Variants in COL19A1 observed in about 807,000 individuals in gnomAD.
COL19A1 encodes the protein collagen alpha-1(XIX) chain.
In COL19A1, 159 loss-of-function variants were observed where a neutral mutation model predicts 190.2. The observed-to-expected ratio is 0.84, with a 90% CI of 0.73 to 0.95. COL19A1 has a LOEUF of 0.95. Among genes scored for constraint, COL19A1 ranks in the 40% least tolerant of loss-of-function variants. The pLI is 0.00. For synonymous variants in COL19A1, 509 were observed against 458.9 expected (o/e 1.11, Z -1.39); for missense variants, 1,418 against 1,431.9 (o/e 0.99, Z 0.16).
Position 69,929,554 on chromosome 6 carries a change from C to T in COL19A1, c.520C>T (p.Leu174Phe), listed in dbSNP as rs778498718. The T allele has an allele frequency of 6.2e-7, 1 of 1,613,872 alleles. No individual in the cohort carries two copies. Among genetic ancestry groups the T allele is most frequent in the African/African-American group, 1.3e-5 (1 of 74,880 alleles). Residue 174 changes from leucine to phenylalanine, a missense_variant, in exon 6 of 51, where the codon CTT becomes TTT. Physicochemically the swap from Leu to Phe is conservative, Grantham distance 22 (BLOSUM62 0). Coordinates refer to ENST00000620364, the MANE Select transcript of COL19A1 (RefSeq NM_001858.6). ...TTTGTTTGATCGTCAGTGGCACAAA[C>T]TTGGCATTAGTATACAATCCCAGGT... is the stretch of plus-strand genomic sequence containing the variant. ...RPLFDRQWHK[L>F]GISIQSQVIS...
chr6:70,095,157 C>T (rs1382279265), intron 15 of COL19A1, among the ~76,000 whole-genome samples: 1 of 151,886 alleles, frequency 6.6e-6, no homozygotes, highest in East Asian at 1.9e-4. Flanking sequence ...ATTTGATCAA[C>T]ATTATGTTTA....
chr6:70,059,742 C>T (rs746984118), intron 14 of COL19A1: 1 of 523,174 alleles, frequency 1.9e-6, no homozygotes, highest in East Asian at 5.5e-5. Context: ...TAGACCTATG[C>T]AGATGTTTAC....
chr6:70,175,670 T>C (rs898645554), intron 41 of COL19A1, among the ~76,000 whole-genome samples: 2 of 152,116 alleles, frequency 1.3e-5, no homozygotes, highest in East Asian at 3.8e-4. Context: ...TACTAGTATC[T>C]CTTTATTATT....
intron 40 of COL19A1, 22 bp downstream of exon 40, chr6:70,168,703 G>C: frequency 6.2e-7 from 1 of 1,612,122 alleles, no homozygotes; most frequent in South Asian, 1.1e-5. Flanking sequence ...CCCATGTTTT[G>C]TGTCATTTAG....
At chr6:69,930,736 T>C (rs957625516) in intron 6 of COL19A1, among the ~76,000 whole-genome samples, 1 of 151,720 alleles carries the variant, frequency 6.6e-6, no homozygotes, top group African/African-American at 2.4e-5. Context: ...GAGGGGGAGG[T>C]TACAATGAGC....
chr6:70,008,654 A>T (rs1777784728), intron 11 of COL19A1, among the ~76,000 whole-genome samples: 1 of 151,900 alleles, frequency 6.6e-6, no homozygotes, highest in Non-Finnish European at 1.5e-5. Context: ...TCAAAAATCA[A>T]AAAGGAGGGA....
At chr6:70,028,697 A>G (rs958490183) in intron 12 of COL19A1, among the ~76,000 whole-genome samples, 1 of 152,144 alleles carries the variant, frequency 6.6e-6, no homozygotes, top group Middle Eastern at 3.2e-3. Context: ...AGGCTTTTCA[A>G]TTCCTTTTAA....
At chr6:69,934,816 A>C (rs1343692710) in intron 7 of COL19A1, among the ~76,000 whole-genome samples, 1 of 152,050 alleles carries the variant, frequency 6.6e-6, no homozygotes, top group Non-Finnish European at 1.5e-5. Context: ...TTTTATGAAT[A>C]GGAATGTACA....
chr6:69,958,998 C>T (rs1395268154), intron 9 of COL19A1, among the ~76,000 whole-genome samples: 3 of 152,128 alleles, frequency 2.0e-5, no homozygotes, highest in African/African-American at 7.2e-5. Flanking sequence ...TAAAGCAGTT[C>T]CATGAAATTG....
chr6:70,121,790 A>G, intron 16 of COL19A1, 90 bp from the exon 17 acceptor site: 1 of 819,800 alleles, frequency 1.2e-6, no homozygotes, highest in Non-Finnish European at 2.0e-6. Flanking sequence ...TCTTCACTAT[A>G]TGATTTCAAG....
chr6:70,099,683 A>G (rs1331102294), intron 15 of COL19A1, among the ~76,000 whole-genome samples: 1 of 152,190 alleles, frequency 6.6e-6, no homozygotes, highest in Non-Finnish European at 1.5e-5. Context: ...AAATTGTTCA[A>G]ATCTGATTTA....
chr6:69,977,589 A>T (rs114460696), intron 11 of COL19A1, among the ~76,000 whole-genome samples: 1 of 152,172 alleles, frequency 6.6e-6, no homozygotes, highest in Non-Finnish European at 1.5e-5. Context: ...ACTTAAAAAA[A>T]AAAAAGAAAG....
chr6:70,004,349 C>T (rs1777478010), intron 11 of COL19A1, among the ~76,000 whole-genome samples: 1 of 152,064 alleles, frequency 6.6e-6, no homozygotes, highest in African/African-American at 2.4e-5. Flanking sequence ...AATTATGTGT[C>T]TTGGGGTTGA....
chr6:70,096,082 C>CTTT (rs1783243825), intron 15 of COL19A1, among the ~76,000 whole-genome samples: 2 of 106,638 alleles, frequency 1.9e-5, no homozygotes, highest in Non-Finnish European at 1.8e-5. Context: ...TACGGTAACT[C>CTTT]TATTTTTTTT....
At chr6:70,176,590 T>C in intron 42 of COL19A1, 26 bp downstream of exon 42, 1 of 1,611,294 alleles carries the variant, frequency 6.2e-7, no homozygotes, top group Non-Finnish European at 8.5e-7. Context: ...TTCACATCAT[T>C]TTCACAGGTA....
intron 11 of COL19A1, among the ~76,000 whole-genome samples, chr6:69,990,961 G>A (rs905958699): frequency 5.3e-5 from 8 of 152,006 alleles, no homozygotes; most frequent in African/African-American, 1.9e-4. Context: ...GTGTGTCACA[G>A]GGGTTTGGTG....
At chr6:70,087,681 C>T (rs1032405823) in intron 15 of COL19A1, among the ~76,000 whole-genome samples, 2 of 152,172 alleles carry the variant, frequency 1.3e-5, no homozygotes, top group South Asian at 4.1e-4. Flanking sequence ...AGGTCAAATG[C>T]TATTCAAGTC....
intron 41 of COL19A1, among the ~76,000 whole-genome samples, 188 bp from the exon 42 acceptor site, chr6:70,176,332 G>T (rs1583092816): frequency 6.6e-6 from 1 of 152,172 alleles, no homozygotes; most frequent in African/African-American, 2.4e-5. Context: ...AACGAGTTCA[G>T]TTGTCAATTA....
chr6:70,172,545 C>A (rs188433412), intron 41 of COL19A1, among the ~76,000 whole-genome samples: 1 of 152,204 alleles, frequency 6.6e-6, no homozygotes, highest in African/African-American at 2.4e-5. Flanking sequence ...AGTGGAGAAC[C>A]AGTGCCAGTC....
Sources: allele counts gnomAD v4.1 joint callset (sites outside exome capture counted in the v4.1 genomes callset), GRCh38; gene constraint gnomAD v4.1.1; transcripts MANE v1.5; gene names NCBI Gene and HGNC (gene_info 2026-07-23, HGNC 2026-07-21).